Variants in RPF2 observed in about 807,000 individuals in gnomAD.
The protein encoded by RPF2 is ribosome production factor 2 homolog.
RPF2 carries 21 observed loss-of-function variants against 38.9 expected under a neutral mutation model. That is an observed-to-expected ratio of 0.54 (90% confidence interval 0.38 to 0.78). RPF2 has a LOEUF of 0.78. RPF2 is among the 30% of genes least tolerant of loss of function. The pLI is 0.00. For missense variants in RPF2, 314 were observed against 358.1 expected (o/e 0.88, Z 0.99); for synonymous variants, 121 against 126.2 (o/e 0.96, Z 0.28).
chr6:110,991,777 G>T lies in RPF2; in HGVS notation c.225G>T (p.Gln75His). The change falls in exon 4 of 10, where the codon CAG becomes CAT. Residue 75 changes from glutamine (Q) to histidine (H), a missense_variant. Coordinates refer to ENST00000441448, the MANE Select transcript of RPF2 (RefSeq NM_032194.3). Reference protein sequence around the residue: ...KKNITRPFEDQTSLEFFSKKS... With the variant: ...KKNITRPFEDHTSLEFFSKKS... ...ATATTACAAGACCTTTTGAGGATCAGACATCACTGGTAAGTATAATAATCT... is the reference window on the plus strand; with the variant it reads ...ATATTACAAGACCTTTTGAGGATCATACATCACTGGTAAGTATAATAATCT... The T allele has an allele frequency of 8.2e-7, 1 of 1,219,182 alleles. No individual in the cohort carries two copies. Among genetic ancestry groups the T allele is most frequent in the South Asian group, 1.5e-5 (1 of 66,130 alleles). The allele number at this position is 1,219,182 out of a possible 1,614,324, so 75.5% of individuals were successfully genotyped here.
rs1044389 is a variant in RPF2, at chr6:111,025,640, G to A, written c.*58G>A. ...GTTCTACTTAAGAGAATTATCAAGC[G>A]TCAATCCATTCAGAGTTTCTTATAA... On this transcript the variant is annotated 3_prime_UTR_variant, in exon 10 of 10. Transcript: ENST00000441448. 238,374 of 1,270,254 alleles carry A rather than the reference G, an allele frequency of 0.19. 22,986 individuals are homozygous for A. The highest frequency in any genetic ancestry group is 0.22 in the South Asian group (14,962 of 69,166). 78.7% of individuals were successfully genotyped at this position (1,270,254 alleles called of 1,614,324 possible). A position where few individuals can be genotyped will look rare whatever the true frequency, so the allele number is the denominator to read the frequency against.
intron 2 of RPF2, among the ~76,000 whole-genome samples, chr6:110,988,505 G>A (rs1008688041): frequency 6.7e-6 from 1 of 150,132 alleles, no homozygotes; most frequent in African/African-American, 2.5e-5. Context: ...GTGCAATCAC[G>A]GTTCACCACA....
intron 1 of RPF2, chr6:110,982,400 G>A: frequency 1.8e-6 from 1 of 554,964 alleles, no homozygotes. Flanking sequence ...TCTGACTTCC[G>A]AAGTATGAGA....
chr6:111,018,080 G>A (rs1772161777), intron 8 of RPF2, among the ~76,000 whole-genome samples: 1 of 152,044 alleles, frequency 6.6e-6, no homozygotes, highest in Non-Finnish European at 1.5e-5. Context: ...AGGCGTGGCG[G>A]CGCGCGCCTG....
intron 8 of RPF2, among the ~76,000 whole-genome samples, chr6:111,018,560 A>G (rs1184828415): frequency 1.3e-5 from 2 of 152,190 alleles, no homozygotes; most frequent in African/African-American, 2.4e-5. Flanking sequence ...TTTATGTCCT[A>G]TGAATGTCCA....
At chr6:111,003,964 C>A (rs1447761821) in intron 6 of RPF2, among the ~76,000 whole-genome samples, 2 of 151,760 alleles carry the variant, frequency 1.3e-5, no homozygotes, top group African/African-American at 4.8e-5. Context: ...AGGTGTGCGC[C>A]ACCACACCCA....
chr6:111,021,640 T>C (rs1772236580), intron 8 of RPF2, among the ~76,000 whole-genome samples: 1 of 152,198 alleles, frequency 6.6e-6, no homozygotes. Context: ...CAATACCATT[T>C]AGATAATTCT....
At chr6:111,022,962 G>A (rs1016665473) in intron 8 of RPF2, among the ~76,000 whole-genome samples, 1 of 152,222 alleles carries the variant, frequency 6.6e-6, no homozygotes, top group Admixed American at 6.5e-5. Flanking sequence ...GCAGTGGCGC[G>A]ATCTCGGCTC....
chr6:110,987,346 A>G (rs1340752112), intron 2 of RPF2, among the ~76,000 whole-genome samples: 2 of 152,170 alleles, frequency 1.3e-5, no homozygotes, highest in African/African-American at 4.8e-5. Flanking sequence ...GGAGTGAGCC[A>G]CCATGCCTGG....
At chr6:111,000,924 T>C (rs1771801993) in intron 6 of RPF2, among the ~76,000 whole-genome samples, 1 of 152,220 alleles carries the variant, frequency 6.6e-6, no homozygotes, top group African/African-American at 2.4e-5. Context: ...TTTTTGAGGC[T>C]CATGGTCTAG....
At chr6:111,004,545 TG>T (rs1199079211) in intron 6 of RPF2, among the ~76,000 whole-genome samples, 1 of 147,676 alleles carries the variant, frequency 6.8e-6, no homozygotes, top group Admixed American at 6.7e-5. Flanking sequence ...TATTAAGTAT[TG>T]GGGTTTTTTT....
intron 8 of RPF2, 146 bp downstream of exon 8, chr6:111,016,002 G>T: frequency 3.1e-6 from 2 of 637,156 alleles, no homozygotes; most frequent in Non-Finnish European, 5.5e-6. Context: ...CAGCAGCTCT[G>T]TGCTGATCCT....
At chr6:111,016,644 G>A (rs1283319848) in intron 8 of RPF2, among the ~76,000 whole-genome samples, 2 of 145,270 alleles carry the variant, frequency 1.4e-5, no homozygotes, top group African/African-American at 5.1e-5. Flanking sequence ...TTATTAAAGA[G>A]TTAATGACAT....
rs766778176 is a variant in RPF2, at chr6:110,986,699, A to G, written c.156+1561A>G. ...CCAGGCACAGTGGCTCACACCTGTA[A>G]TCCCAGCACTTTGGGAGGCCGAGGT... On this transcript the variant is annotated intron_variant, in intron 2 of 9. Transcript: ENST00000441448. 2.2e-4 allele frequency among the ~76,000 whole-genome samples: 34 copies of G among 152,314 alleles called. 1 individual carries two copies. The highest frequency in any genetic ancestry group is 4.1e-4 in the South Asian group (2 of 4,822).
In RPF2 at chr6:111,025,608, T is replaced by C; in HGVS notation, c.*26T>C. 1 of 1,551,808 alleles carries C rather than the reference T, an allele frequency of 6.4e-7. No homozygotes were observed. The highest frequency in any genetic ancestry group is 1.2e-5 in the South Asian group (1 of 84,484). On this transcript the variant is annotated 3_prime_UTR_variant, in exon 10 of 10. Transcript: ENST00000441448. ...TGGAACTTAGCCAGCCACTACTGTT[T>C]CATTGTGTTCTACTTAAGAGAATTA...
Position 110,985,100 on chromosome 6 carries a change from A to G in RPF2, c.118A>G (p.Asn40Asp). 1 of 1,613,780 alleles carries G rather than the reference A, an allele frequency of 6.2e-7. No individual in the cohort carries two copies. ...IKNAMLIKGG[N>D]ANATVTKVLK... is the part of the protein sequence containing the mutation. ...AAATGCCATGCTGATTAAAGGGGGAAATGCAAATGCAACAGTGACAAAAGT... is the reference window on the plus strand; with the variant it reads ...AAATGCCATGCTGATTAAAGGGGGAGATGCAAATGCAACAGTGACAAAAGT... The change falls in exon 2 of 10, where the codon AAT (asparagine) becomes GAT (aspartate). Residue 40 changes from asparagine to aspartate, a missense_variant. Transcript: ENST00000441448.
chr6:110,984,984 T>C, intron 1 of RPF2, 22 bp from the exon 2 acceptor site: 1 of 1,601,252 alleles, frequency 6.2e-7, no homozygotes, highest in Non-Finnish European at 8.5e-7. Context: ...TAAATAGTTA[T>C]GAATTGTGCT....
chr6:111,013,175 G>A (rs996383400), intron 7 of RPF2, among the ~76,000 whole-genome samples: 2 of 152,118 alleles, frequency 1.3e-5, no homozygotes, highest in Non-Finnish European at 2.9e-5. Context: ...GCAGTTGTTT[G>A]TATGTATTCA....
rs957984880 is a variant in RPF2 at position 111,026,150 on chromosome 6, G to C, written c.*568G>C. On this transcript the variant is annotated 3_prime_UTR_variant, in exon 10 of 10. Transcript: ENST00000441448. ...ATTACACTACTGTTGATTGTTTTAA[G>C]AGACTCTACTACTAAGTAGAGCCCA... 6.6e-6 allele frequency: 1 copy of C among 152,194 alleles called. No homozygotes were observed. Among genetic ancestry groups the C allele is most frequent in the Non-Finnish European group, 1.5e-5 (1 of 68,112 alleles). 9.4% of individuals were successfully genotyped at this position (152,194 alleles called of 1,614,324 possible). A position where few individuals can be genotyped will look rare whatever the true frequency, so the allele number is the denominator to read the frequency against.
Sources: allele counts gnomAD v4.1 joint callset (sites outside exome capture counted in the v4.1 genomes callset), GRCh38; gene constraint gnomAD v4.1.1; transcripts MANE v1.5; gene names NCBI Gene and HGNC (gene_info 2026-07-23, HGNC 2026-07-21).